Variants in ARHGAP26 observed in about 807,000 individuals in gnomAD.
The protein encoded by ARHGAP26 is Rho GTPase activating protein 26.
ARHGAP26 carries 38 observed loss-of-function variants against 104.8 expected under a neutral mutation model. That is an observed-to-expected ratio of 0.36 (90% CI 0.28 to 0.48). The LOEUF is 0.48. ARHGAP26 is among the 20% of genes least tolerant of loss of function. ARHGAP26 has a pLI of 0.99. For missense variants in ARHGAP26, 704 were observed against 947.9 expected, an observed-to-expected ratio of 0.74 and a Z score of 3.38; for synonymous variants, 341 against 340.0, an observed-to-expected ratio of 1.00 and a Z score of -0.03.
At chr5:143,165,765 G>T (rs950845471) in intron 20 of ARHGAP26, among the ~76,000 whole-genome samples, 1 of 152,112 alleles carries the variant, frequency 6.6e-6, no homozygotes, top group East Asian at 1.9e-4. Flanking sequence ...CTATCTTTAT[G>T]TGCATGATGT....
intron 18 of ARHGAP26, among the ~76,000 whole-genome samples, chr5:143,121,863 T>C (rs17287593): frequency 0.075 from 11,344 of 152,254 alleles, 532 homozygotes; most frequent in South Asian, 0.15. Flanking sequence ...TCAGAACTTG[T>C]GCAGGGTTCC....
chr5:143,165,280 T>G (rs1370638430), intron 20 of ARHGAP26: 1 of 151,848 alleles, frequency 6.6e-6, no homozygotes, highest in African/African-American at 2.4e-5. Context: ...AACATACAGG[T>G]TGGGGTTTTT....
intron 14 of ARHGAP26, among the ~76,000 whole-genome samples, chr5:143,049,088 C>G (rs1267590920): frequency 6.6e-6 from 1 of 152,008 alleles, no homozygotes; most frequent in East Asian, 1.9e-4. Flanking sequence ...TATATATCAC[C>G]ATGTAATCAT....
At chr5:143,196,182 C>G (rs1806801289) in intron 20 of ARHGAP26, among the ~76,000 whole-genome samples, 1 of 151,860 alleles carries the variant, frequency 6.6e-6, no homozygotes, top group Non-Finnish European at 1.5e-5. Flanking sequence ...CACCCCCTCA[C>G]CCCCCACTGG....
intron 1 of ARHGAP26, among the ~76,000 whole-genome samples, chr5:142,774,122 C>T (rs1755812518): frequency 6.6e-6 from 1 of 152,148 alleles, no homozygotes; most frequent in Non-Finnish European, 1.5e-5. Flanking sequence ...TTCCCCAGAT[C>T]CTTTGCTTTG....
intron 6 of ARHGAP26, among the ~76,000 whole-genome samples, chr5:142,896,149 G>A (rs1759450628): frequency 6.6e-6 from 1 of 152,210 alleles, no homozygotes; most frequent in Non-Finnish European, 1.5e-5. Context: ...AAGGTTTACT[G>A]AAGACTTGCT....
At chr5:143,131,643 A>C (rs1797364746) in intron 18 of ARHGAP26, among the ~76,000 whole-genome samples, 1 of 152,264 alleles carries the variant, frequency 6.6e-6, no homozygotes, top group Admixed American at 6.5e-5. Context: ...AGCCAAATGA[A>C]TGGCTGCTGC....
chr5:143,007,193 CGAA>C (rs760257959), intron 11 of ARHGAP26, among the ~76,000 whole-genome samples: 334 of 115,324 alleles, frequency 2.9e-3, no homozygotes, highest in African/African-American at 9.8e-3. Flanking sequence ...ACTCTGTCTC[CGAA>C]AAAAAAAAAA....
intron 11 of ARHGAP26, among the ~76,000 whole-genome samples, chr5:143,009,988 A>G (rs1310961470): frequency 6.6e-6 from 1 of 152,246 alleles, no homozygotes; most frequent in Non-Finnish European, 1.5e-5. Context: ...CTGAAAGCAT[A>G]TAAATTTGAG....
At chr5:142,851,674 G>A (rs148259938) in intron 1 of ARHGAP26, among the ~76,000 whole-genome samples, 1 of 152,238 alleles carries the variant, frequency 6.6e-6, no homozygotes, top group Non-Finnish European at 1.5e-5. Context: ...TAGGCCCTAT[G>A]TGGCCGCCCC....
chr5:143,108,424 A>G (rs1794327779), intron 17 of ARHGAP26, among the ~76,000 whole-genome samples: 1 of 152,176 alleles, frequency 6.6e-6, no homozygotes, highest in Non-Finnish European at 1.5e-5. Context: ...ACTTTTCTGG[A>G]CACCATACAT....
At chr5:142,912,213 A>C (rs1761925781) in intron 9 of ARHGAP26, among the ~76,000 whole-genome samples, 1 of 152,260 alleles carries the variant, frequency 6.6e-6, no homozygotes, top group South Asian at 2.1e-4. Flanking sequence ...GAACAATGGA[A>C]TACTACTCAA....
chr5:143,104,252 G>C (rs1301253669), intron 17 of ARHGAP26, among the ~76,000 whole-genome samples: 4 of 152,170 alleles, frequency 2.6e-5, no homozygotes, highest in Admixed American at 6.5e-5. Context: ...ACTCACGCCT[G>C]TAATCCCAGC....
chr5:143,132,695 A>T (rs192351046), intron 18 of ARHGAP26, among the ~76,000 whole-genome samples: 1 of 152,310 alleles, frequency 6.6e-6, no homozygotes. Flanking sequence ...GCAAGGACTC[A>T]GTAAACCATA....
At chr5:143,193,475 C>T (rs1806281797) in intron 20 of ARHGAP26, among the ~76,000 whole-genome samples, 1 of 152,064 alleles carries the variant, frequency 6.6e-6, no homozygotes, top group South Asian at 2.1e-4. Context: ...TCTCGAACTC[C>T]TGAGCTCGGG....
chr5:143,180,909 A>G (rs1040665144), intron 20 of ARHGAP26, among the ~76,000 whole-genome samples: 12 of 152,204 alleles, frequency 7.9e-5, no homozygotes, highest in African/African-American at 2.9e-4. Context: ...ACTGTTACAC[A>G]TGAATGGTTC....
intron 11 of ARHGAP26, among the ~76,000 whole-genome samples, chr5:142,967,904 C>T (rs1227308435): frequency 1.3e-5 from 2 of 152,126 alleles, no homozygotes; most frequent in East Asian, 1.9e-4. Context: ...GCTAGAAGTT[C>T]CTGAAGCTTC....
At chr5:142,818,232 A>G (rs1597758700) in intron 1 of ARHGAP26, among the ~76,000 whole-genome samples, 1 of 150,800 alleles carries the variant, frequency 6.6e-6, no homozygotes, top group African/African-American at 2.4e-5. Context: ...AAAAAAAAAA[A>G]GTCACTCTGG....
At chr5:143,088,822 C>T (rs1459801188) in intron 17 of ARHGAP26, among the ~76,000 whole-genome samples, 1 of 152,128 alleles carries the variant, frequency 6.6e-6, no homozygotes, top group African/African-American at 2.4e-5. Flanking sequence ...ACAAGCTAAA[C>T]AAATTCCGAT....
Sources: gnomAD v4.1 joint callset for allele counts (sites outside exome capture counted in the v4.1 genomes callset) on GRCh38, gnomAD v4.1.1 for gene constraint, MANE v1.5 for transcripts, NCBI Gene and HGNC (gene_info 2026-07-23, HGNC 2026-07-21) for gene names.